The following DCLRE1C variants were observed in gnomAD, a reference collection of about 807,000 sequenced individuals.
DCLRE1C encodes the protein DNA cross-link repair 1C, also known as protein artemis.
A neutral mutation model predicts 61.4 loss-of-function variants in DCLRE1C; 47 were observed. The observed-to-expected ratio is 0.77, with a 90% CI of 0.61 to 0.98. The LOEUF is 0.98. Among genes scored for constraint, DCLRE1C ranks in the 50% least tolerant of loss-of-function variants. The pLI is 0.00. For missense variants in DCLRE1C, 858 were observed against 816.0 expected (o/e 1.05, Z -0.63); for synonymous variants, 337 against 287.6 (o/e 1.17, Z -1.74).
downstream of DCLRE1C, chr10:14,903,633 C>G (rs934738258): frequency 3.3e-5 from 5 of 152,106 alleles, no homozygotes; most frequent in Non-Finnish European, 4.4e-5. Context: ...AGTCAACCTA[C>G]GAAGACTAAA....
downstream of DCLRE1C, chr10:14,900,984 T>C: frequency 9.5e-6 from 9 of 947,474 alleles, no homozygotes; most frequent in Non-Finnish European, 1.4e-5. Context: ...TTTTTAAATG[T>C]GCATGCCTCA....
intron 2 of DCLRE1C, chr10:14,947,479 A>G (rs369834362): frequency 1.2e-4 from 18 of 152,224 alleles, no homozygotes; most frequent in African/African-American, 3.6e-4. Flanking sequence ...GTAATTTGTT[A>G]CGCAGCAGCA....
At chr10:14,932,774 G>C in intron 9 of DCLRE1C, 80 bp downstream of exon 9, 1 of 1,503,616 alleles carries the variant, frequency 6.7e-7, no homozygotes, top group Non-Finnish European at 9.3e-7. Flanking sequence ...AAAGCGAAGA[G>C]CCTATAAATG....
rs1388232131 is a variant in DCLRE1C, at chr10:14,920,372, C to T, written c.1062-540G>A. ...AAGGCAGAGAAATAAGATTTGAAGA[C>T]GTCCTACCCCTTTCGAAGGCCTCAC... On this transcript the variant is annotated intron_variant, in intron 12 of 13. Coordinates refer to ENST00000378278, the MANE Select transcript of DCLRE1C (RefSeq NM_001033855.3). 14 of 1,027,842 alleles carry T rather than the reference C, an allele frequency of 1.4e-5. 1 individual carries two copies. The highest frequency in any genetic ancestry group is 8.7e-5 in the African/African-American group (5 of 57,770). The allele number at this position is 1,027,842 out of a possible 1,614,324, so 63.7% of individuals were successfully genotyped here. A position where few individuals can be genotyped will look rare whatever the true frequency, so the allele number is the denominator to read the frequency against.
At chr10:14,898,646 A>C (rs1833773952) in exon 14 of DCLRE1C, 1 of 152,202 alleles carries the variant, frequency 6.6e-6, no homozygotes, top group Non-Finnish European at 1.5e-5. Flanking sequence ...GCAGCAGCCA[A>C]ATTTGGTTGG....
rs1482857000 is a variant in DCLRE1C, at chr10:14,908,922, A to G, written c.1565T>C (p.Phe522Ser). 5.0e-6 allele frequency: 8 copies of G among 1,614,088 alleles called. No homozygotes were observed. Among genetic ancestry groups the G allele is most frequent in the Non-Finnish European group, 6.8e-6 (8 of 1,180,048 alleles). Residue 522 changes from phenylalanine to serine, a missense_variant, in exon 14 of 14, where the codon TTC (phenylalanine) becomes TCC (serine). Physicochemically the swap from Phe to Ser is radical, Grantham distance 155 (BLOSUM62 -2). Coordinates refer to ENST00000378278, the MANE Select transcript of DCLRE1C (RefSeq NM_001033855.3). ...AGTTGATTCTCCATCAGAGTCACTG[A>G]AAAGCTTTGGTGACTGAGATCCCCC... ...VAGGSQSPKL[F>S]SDSDGESTHI... is the part of the protein sequence containing the mutation.
intron 2 of DCLRE1C, 24 bp from the exon 3 acceptor site, chr10:14,945,213 T>G (rs1421093112): frequency 3.1e-6 from 5 of 1,599,612 alleles, no homozygotes; most frequent in African/African-American, 1.3e-5. Flanking sequence ...AGAAAAAAAC[T>G]TTCAGTACAA....
At chr10:14,937,535 C>A (rs1349146288) in intron 4 of DCLRE1C, among the ~76,000 whole-genome samples, 2 of 151,986 alleles carry the variant, frequency 1.3e-5, no homozygotes, top group African/African-American at 4.8e-5. Context: ...ACATCTGCCT[C>A]GGCCTCCCAA....
intron 3 of DCLRE1C, among the ~76,000 whole-genome samples, chr10:14,942,893 G>A (rs1242641447): frequency 1.3e-5 from 2 of 152,154 alleles, no homozygotes; most frequent in African/African-American, 4.8e-5. Flanking sequence ...GGGTGGCCGA[G>A]GCGGGAGGAT....
chr10:14,938,685 T>C (rs1840377678), intron 4 of DCLRE1C, among the ~76,000 whole-genome samples: 1 of 152,176 alleles, frequency 6.6e-6, no homozygotes, highest in Non-Finnish European at 1.5e-5. Context: ...AAAATAATTT[T>C]TTTCCACTTG....
intron 13 of DCLRE1C, among the ~76,000 whole-genome samples, chr10:14,910,454 A>AC (rs1197795829): frequency 6.6e-6 from 1 of 151,902 alleles, no homozygotes. Flanking sequence ...CAGGAGATCC[A>AC]CCCCCATGCC....
downstream of DCLRE1C, chr10:14,902,399 T>A (rs1177420899): frequency 6.3e-7 from 1 of 1,581,024 alleles, no homozygotes; most frequent in South Asian, 1.2e-5. Flanking sequence ...TTTTTCTGTG[T>A]CTTCAGGTTC....
rs35441642 is a variant in DCLRE1C, at chr10:14,934,728, G to T, written c.512C>A (p.Pro171Gln). Residue 171 changes from proline to glutamine, a missense_variant, in exon 7 of 14, where the codon CCA becomes CAA. Physicochemically the swap from Pro to Gln is moderately conservative, Grantham distance 76. Around this residue, in one of 2 missense-constraint regions of DCLRE1C, gnomAD observed 843 missense variants for 783.5 expected, o/e 1.08. Transcript: ENST00000378278. ...SVYLDTTFCD[P>Q]RFYQIPSREE... ...CCGACTTGGAATTTGGTAAAATCTT[G>T]GATCACAGAACGTAGTATCCAAATA... 1.2e-6 allele frequency: 2 copies of T among 1,613,630 alleles called. No homozygotes were observed. The highest frequency in any genetic ancestry group is 4.5e-5 in the East Asian group (2 of 44,880).
intron 4 of DCLRE1C, among the ~76,000 whole-genome samples, chr10:14,937,739 A>G (rs1432078189): frequency 6.6e-6 from 1 of 152,050 alleles, no homozygotes; most frequent in African/African-American, 2.4e-5. Context: ...AAAAATACAA[A>G]AATTAGCTGC....
intron 13 of DCLRE1C, among the ~76,000 whole-genome samples, chr10:14,919,068 C>A (rs1836670498): frequency 6.6e-6 from 1 of 152,082 alleles, no homozygotes; most frequent in Admixed American, 6.6e-5. Context: ...AAAATAGTAT[C>A]ATCATTATCT....
chr10:14,939,426 G>A (rs1304712243), intron 4 of DCLRE1C, among the ~76,000 whole-genome samples: 2 of 130,756 alleles, frequency 1.5e-5, no homozygotes, highest in African/African-American at 3.1e-5. Context: ...CCTGGGTGAC[G>A]GAGTGAGACT....
chr10:14,923,176 T>C (rs1230449964), intron 11 of DCLRE1C, 107 bp from the exon 12 acceptor site: 4 of 843,476 alleles, frequency 4.7e-6, no homozygotes, highest in Admixed American at 2.0e-5. Context: ...CTTATGGCTG[T>C]GGTTCTCAAT....
intron 13 of DCLRE1C, among the ~76,000 whole-genome samples, chr10:14,910,163 A>T (rs1013431034): frequency 6.6e-6 from 1 of 152,202 alleles, no homozygotes; most frequent in Non-Finnish European, 1.5e-5. Flanking sequence ...AGAGACCATT[A>T]TCCAGCTCCC....
downstream of DCLRE1C, chr10:14,903,503 T>G (rs776469170): frequency 7.9e-5 from 12 of 152,230 alleles, no homozygotes; most frequent in Non-Finnish European, 1.6e-4. Context: ...TCCTGCAGGT[T>G]CTTCTTAAAA....
Sources: gnomAD v4.1 joint callset for allele counts (sites outside exome capture counted in the v4.1 genomes callset) on GRCh38, gnomAD v4.1.1 for gene constraint, gnomAD v4.1.1 regional missense constraint, MANE v1.5 for transcripts, NCBI Gene and HGNC (gene_info 2026-07-23, HGNC 2026-07-21) for gene names.